Variants in EXD3 observed in about 807,000 individuals in gnomAD.
EXD3 encodes exonuclease 3'-5' domain containing 3.
Under a neutral mutation model 98.0 loss-of-function variants are expected in EXD3, and 92 were observed. The ratio of observed to expected loss-of-function variants is 0.94; its 90% CI spans 0.79 to 1.12. The LOEUF (loss-of-function observed/expected upper bound fraction) is 1.12. Among genes scored for constraint, EXD3 ranks in the 50% most tolerant of loss-of-function variants. The pLI, the probability that EXD3 is intolerant of heterozygous loss-of-function variation, is 0.00. For synonymous variants in EXD3, 569 were observed against 526.0 expected (o/e 1.08, Z -1.12); for missense variants, 1,222 against 1,191.6 (o/e 1.03, Z -0.38).
intron 1 of EXD3, among the ~76,000 whole-genome samples, chr9:137,397,906 G>A (rs1837290777): frequency 6.6e-6 from 1 of 152,084 alleles, no homozygotes; most frequent in Non-Finnish European, 1.5e-5. Flanking sequence ...TCGCACCACT[G>A]CCTTCCAACC....
chr9:137,384,667 A>C (rs1564196732), intron 2 of EXD3, among the ~76,000 whole-genome samples: 1 of 152,258 alleles, frequency 6.6e-6, no homozygotes, highest in Admixed American at 6.5e-5. Context: ...CGCCGTTAGA[A>C]TTAACCAATG....
intron 17 of EXD3, among the ~76,000 whole-genome samples, chr9:137,327,727 T>C (rs200425466): frequency 8.0e-4 from 1 of 1,254 alleles, no homozygotes; most frequent in African/African-American, 1.3e-3. Flanking sequence ...ACAACAAATA[T>C]ACACCCACAT....
chr9:137,319,815 C>A (rs962136520), intron 19 of EXD3, among the ~76,000 whole-genome samples: 1 of 152,192 alleles, frequency 6.6e-6, no homozygotes, highest in African/African-American at 2.4e-5. Context: ...GCTCTCCTGG[C>A]CCCATCGCAC....
intron 7 of EXD3, 22 bp downstream of exon 7, chr9:137,366,471 G>T: frequency 1.3e-6 from 2 of 1,539,002 alleles, no homozygotes; most frequent in Non-Finnish European, 1.8e-6. Context: ...GGTGCCAGCT[G>T]CCAGCGCCCC....
intron 17 of EXD3, among the ~76,000 whole-genome samples, chr9:137,334,013 T>G (rs1199187693): frequency 6.6e-6 from 1 of 151,820 alleles, no homozygotes; most frequent in Non-Finnish European, 1.5e-5. Context: ...CAGCAAATTT[T>G]TTTTTTTGAG....
chr9:137,366,321 C>T (rs928013814), intron 7 of EXD3, 172 bp downstream of exon 7: 1 of 936,174 alleles, frequency 1.1e-6, no homozygotes. Flanking sequence ...CCCAGCCGCT[C>T]CTCTCCAGAG....
At chr9:137,378,014 C>A (rs1221459288) in intron 3 of EXD3, among the ~76,000 whole-genome samples, 1 of 150,960 alleles carries the variant, frequency 6.6e-6, no homozygotes, top group Non-Finnish European at 1.5e-5. Flanking sequence ...AGACTGGTCT[C>A]AAACTCCTGA....
intron 1 of EXD3, among the ~76,000 whole-genome samples, chr9:137,421,311 A>G (rs1263890420): frequency 2.0e-5 from 3 of 152,200 alleles, no homozygotes; most frequent in Admixed American, 2.0e-4. Context: ...ATGGCCAATC[A>G]CCACTGTTGT....
At chr9:137,307,679 T>C (rs576328536) in intron 20 of EXD3, 33 bp from the exon 21 acceptor site, 2 of 1,606,042 alleles carry the variant, frequency 1.2e-6, no homozygotes, top group African/African-American at 1.3e-5. Context: ...GGTCCGGGAC[T>C]GTCCTAGGGA....
intron 17 of EXD3, among the ~76,000 whole-genome samples, chr9:137,345,182 G>A (rs1019885414): frequency 3.3e-5 from 5 of 152,276 alleles, no homozygotes; most frequent in African/African-American, 4.8e-5. Context: ...ACTTTGTCAG[G>A]ACATTCTCCT....
chr9:137,386,159 G>A (rs752195277), intron 2 of EXD3, among the ~76,000 whole-genome samples: 20 of 151,882 alleles, frequency 1.3e-4, no homozygotes, highest in Non-Finnish European at 2.9e-4. Flanking sequence ...AGCTGGGCAT[G>A]GTGGCGCTCC....
chr9:137,412,977 C>T (rs1391507628), intron 1 of EXD3, among the ~76,000 whole-genome samples: 2 of 151,934 alleles, frequency 1.3e-5, no homozygotes, highest in African/African-American at 2.4e-5. Flanking sequence ...GAGATGGGGT[C>T]TCACTACGTC....
At chr9:137,378,604 G>A (rs538250752) in intron 3 of EXD3, among the ~76,000 whole-genome samples, 29 of 152,354 alleles carry the variant, frequency 1.9e-4, no homozygotes, top group African/African-American at 6.0e-4. Context: ...TGGAGATGGC[G>A]CAGATGACCC....
rs543220636 is a variant in EXD3 at position 137,391,443 on chromosome 9, C to G, written c.55+3860G>C. On this transcript the variant is annotated intron_variant, in intron 2 of 21. Transcript: ENST00000340951. ...TCCGGGAAGCCAGGGCAGCCTCAGC[C>G]TTGGAGGCTCCCATTGTCCGGAGCC... is the stretch of plus-strand genomic sequence containing the variant. Among the ~76,000 whole-genome samples, 52 of 152,358 alleles carry G rather than the reference C, an allele frequency of 3.4e-4. No homozygotes were observed. The South Asian group carries it at 5.8e-3, about 17-fold the overall frequency.
chr9:137,325,502 G>A (rs1047558091), intron 17 of EXD3, among the ~76,000 whole-genome samples: 1 of 151,868 alleles, frequency 6.6e-6, no homozygotes, highest in Admixed American at 6.6e-5. Context: ...GCACAATCTC[G>A]GCTCACTGCA....
Position 137,405,558 on chromosome 9 carries a change from T to G in EXD3, c.-47-10154A>C, listed in dbSNP as rs1227341194. On this transcript the variant is annotated intron_variant, in intron 1 of 21. Transcript: ENST00000340951. The surrounding 1 kb of genome is among the most constrained non-coding windows in gnomAD (Gnocchi z 4.1). ...CAACAATAAACTTTACGTCTCATGG[T>G]TCAAGAAATGCCAGGCTCTGGGCTG... is the stretch of plus-strand genomic sequence containing the variant. Among the ~76,000 whole-genome samples the G allele has an allele frequency of 6.6e-6, 1 of 152,224 alleles. No homozygotes were observed. The highest frequency in any genetic ancestry group is 6.5e-5 in the Admixed American group (1 of 15,286).
intron 19 of EXD3, among the ~76,000 whole-genome samples, chr9:137,311,320 G>A (rs1221441045): frequency 6.6e-6 from 1 of 152,228 alleles, no homozygotes; most frequent in African/African-American, 2.4e-5. Context: ...TGTGGGTGGA[G>A]AGCCCTGGCT....
At chr9:137,337,053 G>T (rs1210417624) in intron 17 of EXD3, among the ~76,000 whole-genome samples, 1 of 152,060 alleles carries the variant, frequency 6.6e-6, no homozygotes, top group Non-Finnish European at 1.5e-5. Context: ...GTAAAAGGAT[G>T]AAAAAGTGCT....
At position 137,351,396 on chromosome 9, in the gene EXD3, G is replaced by C. The variant is rs755379073; in HGVS notation, c.1306C>G (p.Pro436Ala). 65 of 1,610,310 alleles carry C rather than the reference G, an allele frequency of 4.0e-5. No homozygotes were observed. The highest frequency in any genetic ancestry group is 5.5e-5 in the Non-Finnish European group (65 of 1,179,142). Residue 436 changes from proline (P) to alanine (A), a missense_variant, in exon 13 of 22, where the codon CCA (proline) becomes GCA (alanine). Transcript: ENST00000340951. The stretch of plus-strand genomic sequence containing the variant: ...GCCTGGGCTCCCTGCCCTGTTGGTG[G>C]CTGCGAGAGTGCCAGGACGTCCAGA... ...FLLDVLALSQ[P>A]PTGQGAQAFS...
Sources: allele counts gnomAD v4.1 joint callset (sites outside exome capture counted in the v4.1 genomes callset), GRCh38; gene constraint gnomAD v4.1.1; non-coding constraint Gnocchi (gnomAD v3.1); transcripts MANE v1.5; gene names NCBI Gene and HGNC (gene_info 2026-07-23, HGNC 2026-07-21).